Variants in SMIM31 observed in about 807,000 individuals in gnomAD.
SMIM31 encodes small integral membrane protein 31, also known as human epithelial cell program regulator.
chr4:164,768,581 G>C (rs755879316), intron 1 of SMIM31, among the ~76,000 whole-genome samples: 9 of 152,048 alleles, frequency 5.9e-5, no homozygotes, highest in Non-Finnish European at 1.2e-4. Flanking sequence ...GATATTCTAG[G>C]CGTAGGACAA....
chr4:164,801,057 T>C (rs144641486), intron 2 of SMIM31, 34 bp from the exon 3 acceptor site: 13 of 398,780 alleles, frequency 3.3e-5, no homozygotes, highest in African/African-American at 2.5e-4. Context: ...ATGGTGTATT[T>C]ACATTCCTTT....
intron 2 of SMIM31, among the ~76,000 whole-genome samples, chr4:164,783,322 A>G (rs1489438286): frequency 1.3e-5 from 2 of 150,136 alleles, no homozygotes; most frequent in East Asian, 2.0e-4. Context: ...TCAGGAATTC[A>G]AGACCAGCCT....
At chr4:164,757,971 C>T (rs573463043) in intron 1 of SMIM31, among the ~76,000 whole-genome samples, 12 of 152,150 alleles carry the variant, frequency 7.9e-5, no homozygotes, top group Admixed American at 7.2e-4. Flanking sequence ...ACTATAATTG[C>T]CTTGGATTTA....
chr4:164,758,635 T>TTTG (rs1732600397), intron 1 of SMIM31, among the ~76,000 whole-genome samples: 4 of 124,246 alleles, frequency 3.2e-5, no homozygotes, highest in Admixed American at 1.7e-4. Flanking sequence ...TTTTTGTTTT[T>TTTG]TTTTTTTTTT....
chr4:164,761,684 C>A (rs548550494), intron 1 of SMIM31, among the ~76,000 whole-genome samples: 9 of 151,382 alleles, frequency 5.9e-5, no homozygotes, highest in African/African-American at 1.9e-4. Context: ...TTTGGGAGGC[C>A]AAAGAGGGTG....
intron 1 of SMIM31, among the ~76,000 whole-genome samples, chr4:164,769,588 C>T (rs1461328468): frequency 1.2e-4 from 14 of 115,638 alleles, no homozygotes; most frequent in Non-Finnish European, 1.7e-4. Context: ...CACACCGGGG[C>T]CTGTTGTGGG....
chr4:164,786,301 T>C (rs1299959817), intron 2 of SMIM31, among the ~76,000 whole-genome samples: 3 of 152,238 alleles, frequency 2.0e-5, no homozygotes, highest in Middle Eastern at 3.4e-3. Context: ...TAAACTACCC[T>C]AGCAGCTACT....
At chr4:164,801,064 C>T (rs1173083234) in intron 2 of SMIM31, 27 bp from the exon 3 acceptor site, 1 of 398,558 alleles carries the variant, frequency 2.5e-6, no homozygotes, top group Non-Finnish European at 4.4e-6. Flanking sequence ...ATTTACATTC[C>T]TTTTTCTAAA....
intron 2 of SMIM31, among the ~76,000 whole-genome samples, chr4:164,793,858 G>A (rs1052623744): frequency 6.6e-6 from 1 of 151,938 alleles, no homozygotes; most frequent in Non-Finnish European, 1.5e-5. Flanking sequence ...ACTCAAAATG[G>A]GTTAAAGATC....
chr4:164,791,429 C>T (rs1352558098), intron 2 of SMIM31, among the ~76,000 whole-genome samples: 2 of 152,098 alleles, frequency 1.3e-5, no homozygotes, highest in Admixed American at 6.5e-5. Context: ...GCCTTTCAAG[C>T]TCAAGCCATC....
chr4:164,781,899 G>A (rs745394147), intron 2 of SMIM31, among the ~76,000 whole-genome samples: 21 of 152,192 alleles, frequency 1.4e-4, no homozygotes, highest in Non-Finnish European at 2.2e-4. Flanking sequence ...GGAGTAGCAC[G>A]GGGAATTGCA....
intron 2 of SMIM31, among the ~76,000 whole-genome samples, chr4:164,777,967 G>T (rs764257082): frequency 2.6e-5 from 4 of 152,210 alleles, no homozygotes; most frequent in Admixed American, 6.5e-5. Context: ...AGCACAGAAA[G>T]ATATCGGTTC....
intron 2 of SMIM31, among the ~76,000 whole-genome samples, chr4:164,787,669 G>A (rs1579071684): frequency 6.6e-6 from 1 of 151,624 alleles, no homozygotes; most frequent in Middle Eastern, 3.4e-3. Context: ...TTGGATAATG[G>A]AAATTCTAGA....
intron 1 of SMIM31, among the ~76,000 whole-genome samples, chr4:164,759,913 C>T (rs1196041391): frequency 6.6e-6 from 1 of 152,088 alleles, no homozygotes; most frequent in Non-Finnish European, 1.5e-5. Flanking sequence ...CGGGGAGTTC[C>T]AACTTTTAAT....
chr4:164,755,208 G>A (rs1200782306), intron 1 of SMIM31, among the ~76,000 whole-genome samples: 5 of 151,510 alleles, frequency 3.3e-5, no homozygotes, highest in East Asian at 2.0e-4. Context: ...AGCCAGGCAC[G>A]GTGGCTCATG....
chr4:164,789,513 GA>G (rs1733072991), intron 2 of SMIM31, among the ~76,000 whole-genome samples: 1 of 152,148 alleles, frequency 6.6e-6, no homozygotes, highest in Non-Finnish European at 1.5e-5. Flanking sequence ...CACTCTAAGA[GA>G]AAATTCACTG....
rs1733264541 is a variant in SMIM31 at position 164,800,231 on chromosome 4, T to C, written c.113-860T>C. 2.6e-5 allele frequency among the ~76,000 whole-genome samples: 4 copies of C among 152,082 alleles called. No individual in the cohort carries two copies. In the South Asian group the frequency reaches 8.3e-4, roughly 32 times the overall value. Reference sequence around the variant, plus strand: ...TATGTTTTTCTTTTTCTTTTTTTTTTTGACAAAGTCTCTCTTTGTCGAGGC... The same window carrying C: ...TATGTTTTTCTTTTTCTTTTTTTTTCTGACAAAGTCTCTCTTTGTCGAGGC... On this transcript the variant is annotated intron_variant, in intron 2 of 2. Coordinates refer to ENST00000507311, the MANE Select transcript of SMIM31 (RefSeq NM_001352885.1).
chr4:164,773,949 A>G (rs1017031221), intron 2 of SMIM31, among the ~76,000 whole-genome samples: 5 of 152,040 alleles, frequency 3.3e-5, no homozygotes, highest in South Asian at 2.1e-4. Context: ...GGCGGATCAC[A>G]AGGTCAGGAG....
At chr4:164,783,381 A>G (rs1322184971) in intron 2 of SMIM31, among the ~76,000 whole-genome samples, 1 of 151,660 alleles carries the variant, frequency 6.6e-6, no homozygotes, top group African/African-American at 2.4e-5. Flanking sequence ...AAAATTTGCC[A>G]GGCATGGTGG....
Sources: gnomAD v4.1 joint callset for allele counts (sites outside exome capture counted in the v4.1 genomes callset) on GRCh38, gnomAD v4.1.1 for gene constraint, MANE v1.5 for transcripts, NCBI Gene and HGNC (gene_info 2026-07-23, HGNC 2026-07-21) for gene names.